The following SOX6 variants were observed in gnomAD, a reference collection of about 807,000 sequenced individuals.
SOX6 encodes the protein transcription factor SOX-6.
Under a neutral mutation model 97.8 loss-of-function variants are expected in SOX6, and 11 were observed. That is an observed-to-expected ratio of 0.11 (90% CI 0.07 to 0.19). SOX6 has a LOEUF of 0.19. Ranked by LOEUF, SOX6 falls within the 10% of genes least tolerant of loss-of-function variation. The pLI, the probability that SOX6 is intolerant of heterozygous loss-of-function variation, is 1.00. For synonymous variants in SOX6, 360 were observed against 371.4 expected (o/e 0.97, Z 0.35); for missense variants, 810 against 1,039.5 (o/e 0.78, Z 3.04).
chr11:16,401,549 T>C (rs1473618605), intron 1 of SOX6, among the ~76,000 whole-genome samples: 2 of 151,568 alleles, frequency 1.3e-5, no homozygotes, highest in African/African-American at 4.8e-5. Context: ...ATGTAGCAAA[T>C]GGCAGTGGTC....
chr11:16,365,307 T>G (rs113126084), intron 1 of SOX6, among the ~76,000 whole-genome samples: 7 of 105,286 alleles, frequency 6.6e-5, no homozygotes, highest in East Asian at 2.5e-4. Flanking sequence ...GTGTGTGTGT[T>G]TGTGTGTGTG....
chr11:16,471,707 T>G (rs1160018674), intron 1 of SOX6, among the ~76,000 whole-genome samples: 3 of 152,246 alleles, frequency 2.0e-5, no homozygotes, highest in Admixed American at 1.3e-4. Flanking sequence ...ACTCAGGAAT[T>G]TTGGATGCCA....
intron 3 of SOX6, among the ~76,000 whole-genome samples, chr11:16,288,592 G>A (rs568706081): frequency 1.3e-5 from 2 of 151,934 alleles, no homozygotes; most frequent in African/African-American, 2.4e-5. Context: ...ATATTTTAGA[G>A]CCCAGTCATT....
At chr11:16,205,409 CTTGA>C (rs1261624714) in intron 4 of SOX6, among the ~76,000 whole-genome samples, 4 of 152,066 alleles carry the variant, frequency 2.6e-5, no homozygotes, top group African/African-American at 9.7e-5. Flanking sequence ...TATTTGAAAA[CTTGA>C]GTGCTCAAGG....
chr11:16,357,408 GCT>G (rs1168692786), upstream of SOX6, among the ~76,000 whole-genome samples: 6 of 152,108 alleles, frequency 3.9e-5, no homozygotes, highest in Non-Finnish European at 7.4e-5. Context: ...GAGCACTGAA[GCT>G]CTGATTTACA....
chr11:16,156,017 G>A (rs1180996161), intron 6 of SOX6, among the ~76,000 whole-genome samples: 1 of 151,946 alleles, frequency 6.6e-6, no homozygotes, highest in African/African-American at 2.4e-5. Flanking sequence ...AGTTCAGTGT[G>A]TAAAGGGGAC....
chr11:16,477,196 C>A (rs1400707884), upstream of SOX6, among the ~76,000 whole-genome samples: 1 of 152,074 alleles, frequency 6.6e-6, no homozygotes, highest in East Asian at 1.9e-4. Flanking sequence ...GAGTAGTAGT[C>A]AACTAAAAAT....
At chr11:16,508,736 T>C (rs1326972377) in intron 4 of SOX6, among the ~76,000 whole-genome samples, 1 of 152,006 alleles carries the variant, frequency 6.6e-6, no homozygotes, top group Non-Finnish European at 1.5e-5. Context: ...TACAAACCTA[T>C]AGTTAGATAG....
chr11:16,655,236 T>C (rs189527179), intron 3 of SOX6, among the ~76,000 whole-genome samples: 323 of 152,218 alleles, frequency 2.1e-3, no homozygotes, highest in Non-Finnish European at 3.7e-3. Flanking sequence ...TCCCTATAAC[T>C]TGGGGAGGGG....
In SOX6 at chr11:16,017,518, C is replaced by A. The variant is rs567834836; in HGVS notation, c.1624-2468G>T. 2.0e-5 allele frequency among the ~76,000 whole-genome samples: 3 copies of A among 152,164 alleles called. No homozygotes were observed. The South Asian group carries it at 6.2e-4, about 31-fold the overall frequency. On this transcript the variant is annotated intron_variant, in intron 12 of 15. Transcript: ENST00000683767. ...TTCCACCTAGTCTCCCAGAAGATTT[C>A]GTTCTTTTCTTCAAAGAATAGCTCA...
intron 4 of SOX6, among the ~76,000 whole-genome samples, chr11:16,581,169 T>C (rs1848029289): frequency 6.6e-6 from 1 of 152,042 alleles, no homozygotes; most frequent in Non-Finnish European, 1.5e-5. Context: ...CAGCACTATT[T>C]ATAATAGCAA....
At chr11:16,444,342 AG>A (rs1487063481) in intron 1 of SOX6, among the ~76,000 whole-genome samples, 2 of 152,218 alleles carry the variant, frequency 1.3e-5, no homozygotes, top group Admixed American at 6.5e-5. Context: ...TAGTAATTAC[AG>A]TATTATTATC....
intron 6 of SOX6, among the ~76,000 whole-genome samples, chr11:16,143,059 C>T (rs1336849536): frequency 9.9e-5 from 15 of 152,104 alleles, no homozygotes; most frequent in Admixed American, 4.6e-4. Context: ...TCAGATTCAC[C>T]GAAGTTAAAA....
intron 6 of SOX6, among the ~76,000 whole-genome samples, chr11:16,174,942 T>C (rs887454449): frequency 6.6e-6 from 1 of 151,882 alleles, no homozygotes; most frequent in Non-Finnish European, 1.5e-5. Context: ...TTATGCTCTC[T>C]TTTATACAAT....
chr11:16,433,975 T>C (rs1332276560), intron 1 of SOX6, among the ~76,000 whole-genome samples: 1 of 152,116 alleles, frequency 6.6e-6, no homozygotes, highest in Non-Finnish European at 1.5e-5. Context: ...TTTAACCATA[T>C]GTACCCTTCT....
intron 3 of SOX6, among the ~76,000 whole-genome samples, chr11:16,256,631 G>A (rs1853697214): frequency 1.3e-5 from 2 of 151,890 alleles, no homozygotes; most frequent in African/African-American, 4.8e-5. Flanking sequence ...AGCTTTCCCA[G>A]TAAGATTAGA....
intron 3 of SOX6, among the ~76,000 whole-genome samples, chr11:16,271,610 T>C (rs1309439179): frequency 6.6e-6 from 1 of 151,500 alleles, no homozygotes; most frequent in Non-Finnish European, 1.5e-5. Context: ...CTCTAGAAAA[T>C]GATCCACATT....
intron 3 of SOX6, among the ~76,000 whole-genome samples, chr11:16,655,076 T>C (rs1334633743): frequency 1.3e-5 from 2 of 152,164 alleles, no homozygotes; most frequent in African/African-American, 4.8e-5. Flanking sequence ...TTCTATAGAA[T>C]ATAGGAATTG....
At chr11:16,434,363 A>T (rs1399707714) in intron 1 of SOX6, 1 of 152,106 alleles carries the variant, frequency 6.6e-6, no homozygotes, top group Non-Finnish European at 1.5e-5. Flanking sequence ...AAAAATAGTT[A>T]CTAAAGTTCC....
Sources: allele counts gnomAD v4.1 joint callset (sites outside exome capture counted in the v4.1 genomes callset), GRCh38; gene constraint gnomAD v4.1.1; transcripts MANE v1.5; gene names NCBI Gene and HGNC (gene_info 2026-07-23, HGNC 2026-07-21).